PLD1: variants seen among roughly 807,000 people sequenced by gnomAD.
The protein encoded by PLD1 is phospholipase D1, also known as choline phosphatase 1.
Under a neutral mutation model 137.1 loss-of-function variants are expected in PLD1, and 112 were observed. The observed-to-expected ratio is 0.82, with a 90% confidence interval of 0.70 to 0.96. The LOEUF (loss-of-function observed/expected upper bound fraction) is 0.96, where lower values mean the gene tolerates loss of function less well. Ranked by LOEUF, PLD1 falls within the 40% of genes least tolerant of loss-of-function variation. The probability of loss-of-function intolerance (pLI) is 0.00; values close to 1 mark genes in which losing one functional copy is unlikely to be tolerated. For synonymous variants in PLD1, 431 were observed against 454.7 expected, an observed-to-expected ratio of 0.95 and a Z score of 0.66; for missense variants, 1,321 against 1,342.0, an observed-to-expected ratio of 0.98 and a Z score of 0.24.
rs368724626 is a variant in PLD1, at chr3:171,676,759, G to A, written c.2071C>T (p.Arg691Cys). 10 of 1,613,998 alleles carry A rather than the reference G, an allele frequency of 6.2e-6. No individual in the cohort carries two copies. The highest frequency in any genetic ancestry group is 2.7e-5 in the African/African-American group (2 of 74,902). Residue 691 changes from arginine to cysteine, a missense_variant, in exon 18 of 27, where the codon CGT (arginine) becomes TGT (cysteine). Physicochemically the swap from Arg to Cys is radical, Grantham distance 180. Transcript: ENST00000351298. The part of the protein sequence containing the change: ...IASAVHGKAA[R>C]DVARHFIQRW... The stretch of plus-strand genomic sequence containing the variant: ...TGGATGAAGTGACGTGCCACATCAC[G>A]AGCCGCCTTCCCGTGGACTGCAGAG...
At chr3:171,605,896 A>G (rs917254096) in intron 25 of PLD1, among the ~76,000 whole-genome samples, 2 of 152,238 alleles carry the variant, frequency 1.3e-5, no homozygotes, top group Non-Finnish European at 2.9e-5. Context: ...TGCTATTTGG[A>G]AAGAGCAATA....
Position 171,603,239 on chromosome 3 carries a change from T to C in PLD1, c.3064A>G (p.Lys1022Glu), listed in dbSNP as rs1223097418. 19 of 1,613,980 alleles carry C rather than the reference T, an allele frequency of 1.2e-5. No homozygotes were observed. Among genetic ancestry groups the C allele is most frequent in the Non-Finnish European group, 1.5e-5 (18 of 1,179,992 alleles). The stretch of plus-strand genomic sequence containing the variant: ...GGATCTTCCTTAGCTAATACGGGCT[T>C]GTTTATAAAGTCTCTCAGCTGAATT... ...NLIQLRDFIN[K>E]PVLAKEDPIR... The change falls in exon 27 of 27, where the codon AAG becomes GAG. Residue 1022 changes from lysine (K) to glutamate (E), a missense_variant. Lys to Glu is a moderately conservative substitution (Grantham distance 56). Coordinates refer to ENST00000351298, the MANE Select transcript of PLD1 (RefSeq NM_002662.5).
At chr3:171,754,792 C>G (rs1321230583) in intron 1 of PLD1, among the ~76,000 whole-genome samples, 1 of 152,150 alleles carries the variant, frequency 6.6e-6, no homozygotes, top group African/African-American at 2.4e-5. Flanking sequence ...CAAAACATCT[C>G]AAATGTAGGG....
chr3:171,704,458 G>GAAAAAAAAAAAAAAAA (rs34861885), intron 11 of PLD1, among the ~76,000 whole-genome samples: 2 of 95,232 alleles, frequency 2.1e-5, no homozygotes, highest in South Asian at 4.2e-4. Context: ...AAAGAACCAG[G>GAAAAAAAAAAAAAAAA]AAAAAAAAAA....
chr3:171,612,406 T>C lies in PLD1; in HGVS notation c.2755A>G (p.Met919Val). The part of the protein sequence containing the change: ...IGSANINDRS[M>V]LGKRDSEMAV... The stretch of plus-strand genomic sequence containing the variant: ...ATTTCACTGTCACGCTTTCCCAGCA[T>C]GCTGCGGTCATTTATGTTGGCAGAG... Residue 919 changes from methionine (M) to valine (V), a missense_variant, in exon 25 of 27, where the codon ATG (methionine) becomes GTG (valine). Met to Val is a conservative substitution (Grantham distance 21). Transcript: ENST00000351298. This position sits in a 1 kb window ranked among gnomAD's most constrained non-coding sequence, Gnocchi z 4.1. 2.5e-6 allele frequency: 4 copies of C among 1,614,144 alleles called. No individual in the cohort carries two copies. The highest frequency in any genetic ancestry group is 3.4e-6 in the Non-Finnish European group (4 of 1,179,982).
chr3:171,654,208 C>A, intron 21 of PLD1: 1 of 310,216 alleles, frequency 3.2e-6, no homozygotes, highest in Non-Finnish European at 6.5e-6. Flanking sequence ...GAGGCTGAGG[C>A]AGGAGAATTG....
chr3:171,666,187 T>C (rs560464101), intron 19 of PLD1: 1 of 152,412 alleles, frequency 6.6e-6, no homozygotes, highest in East Asian at 1.9e-4. Flanking sequence ...TATTCGTCTG[T>C]TCTCATGCTG....
In PLD1 at chr3:171,624,738, G is replaced by C. The variant is rs946267334; in HGVS notation, c.2594-4218C>G. On this transcript the variant is annotated intron_variant, in intron 23 of 26. Coordinates refer to ENST00000351298, the MANE Select transcript of PLD1 (RefSeq NM_002662.5). ...ATGAAGATCTCTGTGAATTAATAGG[G>C]AGTGATTTCCAGGATATTCTGTTAA... is the stretch of plus-strand genomic sequence containing the variant. Among the ~76,000 whole-genome samples, 7 of 152,230 alleles carry C rather than the reference G, an allele frequency of 4.6e-5. No individual in the cohort carries two copies. In the East Asian group the frequency reaches 7.7e-4, roughly 17 times the overall value.
chr3:171,648,699 C>T lies in PLD1; in HGVS notation c.2430-3676G>A, dbSNP rs538950602. On this transcript the variant is annotated intron_variant, in intron 21 of 26. Coordinates refer to ENST00000351298, the MANE Select transcript of PLD1 (RefSeq NM_002662.5). ...CTTCCCGAGTAGCTGGCGCTACAAT[C>T]GTCTGCCACCACGCCCGGCTAATTT... is the stretch of plus-strand genomic sequence containing the variant. Among the ~76,000 whole-genome samples the T allele has an allele frequency of 3.1e-4, 47 of 152,204 alleles. 2 individuals are homozygous for T. In the South Asian group the frequency reaches 7.5e-3, roughly 24 times the overall value.
At chr3:171,807,045 T>C (rs907105092) in intron 1 of PLD1, among the ~76,000 whole-genome samples, 2 of 152,202 alleles carry the variant, frequency 1.3e-5, no homozygotes, top group Non-Finnish European at 2.9e-5. Flanking sequence ...TGGTAGCTCA[T>C]GCCTGTAATC....
At chr3:171,637,472 A>G (rs886083250) in intron 23 of PLD1, among the ~76,000 whole-genome samples, 3 of 152,084 alleles carry the variant, frequency 2.0e-5, no homozygotes, top group African/African-American at 7.2e-5. Context: ...TGACCTCGTG[A>G]TCCACCTGCC....
At chr3:171,604,610 AC>A (rs1194192131) in intron 26 of PLD1, among the ~76,000 whole-genome samples, 2 of 152,180 alleles carry the variant, frequency 1.3e-5, no homozygotes, top group African/African-American at 4.8e-5. Context: ...TTCTACTGTT[AC>A]GCAACTCTTA....
At chr3:171,648,330 G>T (rs1473077495) in intron 21 of PLD1, among the ~76,000 whole-genome samples, 1 of 152,020 alleles carries the variant, frequency 6.6e-6, no homozygotes, top group Non-Finnish European at 1.5e-5. Flanking sequence ...AATGTAAGAG[G>T]TAGATGATTA....
intron 1 of PLD1, among the ~76,000 whole-genome samples, chr3:171,756,973 G>A (rs1220476611): frequency 1.3e-5 from 2 of 152,148 alleles, no homozygotes; most frequent in Admixed American, 1.3e-4. Flanking sequence ...ATAATGACCT[G>A]AGTTGTAAAA....
chr3:171,810,154 C>A (rs966318750), intron 1 of PLD1, among the ~76,000 whole-genome samples: 3 of 152,242 alleles, frequency 2.0e-5, no homozygotes, highest in African/African-American at 4.8e-5. Flanking sequence ...CAGCCGCCCG[C>A]GCGGCAAAAG....
chr3:171,791,463 C>G (rs1197810095), intron 1 of PLD1, among the ~76,000 whole-genome samples: 1 of 152,194 alleles, frequency 6.6e-6, no homozygotes, highest in African/African-American at 2.4e-5. Context: ...GTCACCTTGC[C>G]AGCTCCAGCT....
intron 8 of PLD1, among the ~76,000 whole-genome samples, chr3:171,716,426 A>T (rs1560245798): frequency 6.6e-6 from 1 of 152,106 alleles, no homozygotes; most frequent in Non-Finnish European, 1.5e-5. Context: ...GTTTTTTAAT[A>T]GCCATTCTGG....
chr3:171,748,420 A>G (rs1720417688), intron 1 of PLD1, among the ~76,000 whole-genome samples: 1 of 152,200 alleles, frequency 6.6e-6, no homozygotes, highest in African/African-American at 2.4e-5. Context: ...CGGAATATTC[A>G]TGCATTCCTT....
intron 16 of PLD1, 84 bp from the exon 17 acceptor site, chr3:171,677,778 C>T: frequency 1.5e-6 from 2 of 1,315,104 alleles, no homozygotes; most frequent in Non-Finnish European, 2.1e-6. Context: ...TATTAAACAC[C>T]TAAAAGCTTC....
Sources: allele counts gnomAD v4.1 joint callset (sites outside exome capture counted in the v4.1 genomes callset), GRCh38; gene constraint gnomAD v4.1.1; non-coding constraint Gnocchi (gnomAD v3.1); transcripts MANE v1.5; gene names NCBI Gene and HGNC (gene_info 2026-07-23, HGNC 2026-07-21).